Variants in CTNNA3 observed in about 807,000 individuals in gnomAD.
The protein encoded by CTNNA3 is catenin alpha 3.
A neutral mutation model predicts 95.7 loss-of-function variants in CTNNA3; 76 were observed. The observed-to-expected ratio is 0.79, with a 90% CI of 0.66 to 0.96. CTNNA3 has a LOEUF of 0.96. CTNNA3 is among the 40% of genes least tolerant of loss of function. The pLI is 0.00. For missense variants in CTNNA3, 1,191 were observed against 1,089.8 expected, an observed-to-expected ratio of 1.09 and a Z score of -1.31; for synonymous variants, 431 against 374.4, an observed-to-expected ratio of 1.15 and a Z score of -1.74.
intron 12 of CTNNA3, among the ~76,000 whole-genome samples, chr10:66,308,789 A>G (rs997317793): frequency 6.6e-6 from 1 of 152,178 alleles, no homozygotes; most frequent in Non-Finnish European, 1.5e-5. Context: ...TATTATAAAC[A>G]TCTATAAAAA....
intron 13 of CTNNA3, among the ~76,000 whole-genome samples, chr10:66,183,841 T>C (rs2086178972): frequency 6.6e-6 from 1 of 152,206 alleles, no homozygotes; most frequent in Admixed American, 6.5e-5. Flanking sequence ...TGTTTCATCT[T>C]CTATGAAAAG....
chr10:66,426,837 G>A (rs1206500724), intron 11 of CTNNA3, among the ~76,000 whole-genome samples: 2 of 151,472 alleles, frequency 1.3e-5, no homozygotes, highest in African/African-American at 4.8e-5. Context: ...CTTATTCTTT[G>A]TGGGATTCCT....
intron 1 of CTNNA3, among the ~76,000 whole-genome samples, chr10:67,679,499 A>G (rs1452399679): frequency 1.3e-5 from 2 of 152,226 alleles, no homozygotes; most frequent in Non-Finnish European, 2.9e-5. Flanking sequence ...GTTTTCCCAT[A>G]TATCAGAAAG....
At chr10:67,144,479 A>C (rs1224264609) in intron 7 of CTNNA3, among the ~76,000 whole-genome samples, 1 of 152,204 alleles carries the variant, frequency 6.6e-6, no homozygotes, top group Non-Finnish European at 1.5e-5. Flanking sequence ...TACATTGAAA[A>C]TCTGTAGTTT....
At position 67,692,736 on chromosome 10, in the gene CTNNA3, T is replaced by TAAAAAAAAAA. The variant is rs200961420; in HGVS notation, c.-6+3254_-6+3263dup. ...GCGAGAAACACCCAAGAATGATCAA[T>TAAAAAAAAAA]AAAAAAAAAAAAAAAAAAAAAAGTC... On this transcript the variant is annotated intron_variant, in intron 1 of 17. Coordinates refer to ENST00000433211, the MANE Select transcript of CTNNA3 (RefSeq NM_013266.4). Among the ~76,000 whole-genome samples, 156 of 80,786 alleles carry TAAAAAAAAAA rather than the reference T, an allele frequency of 1.9e-3. 2 individuals carry two copies. The highest frequency in any genetic ancestry group is 6.5e-3 in the African/African-American group (140 of 21,486). 53.0% of individuals were successfully genotyped at this position (80,786 alleles called of 152,430 possible). A position where few individuals can be genotyped will look rare whatever the true frequency, so the allele number is the denominator to read the frequency against.
At chr10:67,099,323 T>G (rs1243171369) in intron 7 of CTNNA3, 1 of 151,728 alleles carries the variant, frequency 6.6e-6, no homozygotes, top group Non-Finnish European at 1.5e-5. Flanking sequence ...CATGCATTCT[T>G]GTGTTTTTTT....
At chr10:66,398,812 T>C (rs1034559133) in intron 11 of CTNNA3, among the ~76,000 whole-genome samples, 3 of 152,002 alleles carry the variant, frequency 2.0e-5, no homozygotes, top group Non-Finnish European at 4.4e-5. Context: ...CTCCTTTTAG[T>C]TCTAAACCTC....
chr10:66,432,346 A>T (rs1327702472), intron 11 of CTNNA3, among the ~76,000 whole-genome samples: 1 of 152,168 alleles, frequency 6.6e-6, no homozygotes, highest in East Asian at 1.9e-4. Context: ...GCATTTTTTA[A>T]AATTATTATT....
At chr10:67,391,272 G>C (rs866153305) in intron 5 of CTNNA3, among the ~76,000 whole-genome samples, 1,722 of 151,856 alleles carry the variant, frequency 0.011, 38 homozygotes, top group African/African-American at 0.038. Context: ...CAGACAAACA[G>C]AGACCCAAAT....
intron 13 of CTNNA3, among the ~76,000 whole-genome samples, chr10:66,103,675 A>C (rs895776067): frequency 1.3e-5 from 2 of 152,190 alleles, no homozygotes; most frequent in Admixed American, 1.3e-4. Context: ...TGCAATTGGC[A>C]AATCTATAGC....
At chr10:66,769,766 G>A (rs1228764921) in intron 8 of CTNNA3, among the ~76,000 whole-genome samples, 3 of 152,300 alleles carry the variant, frequency 2.0e-5, no homozygotes, top group South Asian at 2.1e-4. Context: ...CCATTAGTCA[G>A]ACAATTCTGG....
At chr10:67,750,352 T>C in intron 1 of CTNNA3, 1 of 1,510,822 alleles carries the variant, frequency 6.6e-7, no homozygotes. Flanking sequence ...CTTGGAAGTC[T>C]CCTCTCGGCA....
At chr10:67,754,419 T>C (rs1339957479) in intron 1 of CTNNA3, among the ~76,000 whole-genome samples, 1 of 152,182 alleles carries the variant, frequency 6.6e-6, no homozygotes, top group Non-Finnish European at 1.5e-5. Flanking sequence ...TTTACCTATG[T>C]AACAAACCTG....
At chr10:66,919,125 ACT>A (rs1190502473) in intron 7 of CTNNA3, among the ~76,000 whole-genome samples, 19 of 124,734 alleles carry the variant, frequency 1.5e-4, no homozygotes, top group African/African-American at 5.8e-4. Context: ...ACAGAGCGAG[ACT>A]CTGTCTTAAA....
chr10:66,448,176 A>G (rs2093437003), intron 11 of CTNNA3, among the ~76,000 whole-genome samples: 1 of 152,108 alleles, frequency 6.6e-6, no homozygotes, highest in African/African-American at 2.4e-5. Context: ...GTCAGGAAAC[A>G]ACAGGTGCTG....
chr10:66,791,920 T>C (rs1224590079), intron 7 of CTNNA3, among the ~76,000 whole-genome samples: 1 of 152,128 alleles, frequency 6.6e-6, no homozygotes, highest in Non-Finnish European at 1.5e-5. Flanking sequence ...ATATAACTTG[T>C]ACAACTGCAA....
At chr10:66,815,555 T>C (rs564019227) in intron 7 of CTNNA3, among the ~76,000 whole-genome samples, 7 of 152,164 alleles carry the variant, frequency 4.6e-5, no homozygotes, top group Non-Finnish European at 1.0e-4. Flanking sequence ...TATTCAAATA[T>C]TCTCCTTATT....
chr10:67,502,922 G>A (rs112823014), intron 5 of CTNNA3, among the ~76,000 whole-genome samples: 7 of 152,296 alleles, frequency 4.6e-5, no homozygotes, highest in African/African-American at 9.6e-5. Flanking sequence ...GGTGGGATCC[G>A]CTGAGCTACA....
At chr10:66,624,498 C>T (rs1338766088) in intron 9 of CTNNA3, among the ~76,000 whole-genome samples, 1 of 152,024 alleles carries the variant, frequency 6.6e-6, no homozygotes, top group Non-Finnish European at 1.5e-5. Flanking sequence ...GACCCAAGAG[C>T]CACAAACTCA....
Sources: gnomAD v4.1 joint callset for allele counts (sites outside exome capture counted in the v4.1 genomes callset) on GRCh38, gnomAD v4.1.1 for gene constraint, MANE v1.5 for transcripts, NCBI Gene and HGNC (gene_info 2026-07-23, HGNC 2026-07-21) for gene names.